The following CYP4F12 variants were observed in gnomAD, a reference collection of about 807,000 sequenced individuals.
CYP4F12 encodes cytochrome P450 family 4 subfamily F member 12.
CYP4F12 carries 60 observed loss-of-function variants against 56.5 expected under a neutral mutation model. The observed-to-expected ratio is 1.06, with a 90% confidence interval of 0.86 to 1.32. The LOEUF (loss-of-function observed/expected upper bound fraction) is 1.32. Among genes scored for constraint, CYP4F12 ranks in the 40% most tolerant of loss-of-function variants. The pLI, the probability that CYP4F12 is intolerant of heterozygous loss-of-function variation, is 0.00. For missense variants in CYP4F12, 711 were observed against 683.5 expected (o/e 1.04, Z -0.45); for synonymous variants, 263 against 264.9 (o/e 0.99, Z 0.07).
At chr19:15,678,501 T>C (rs79882219) in intron 3 of CYP4F12, 96 bp downstream of exon 3, 347,454 of 1,476,090 alleles carry the variant, frequency 0.24, 42,659 homozygotes, top group African/African-American at 0.31. Flanking sequence ...GTGCCCCTCA[T>C]TGAGACTTCC....
rs751672892 is a variant in CYP4F12 at position 15,696,551 on chromosome 19, G to A, written c.1397+39G>A. The A allele has an allele frequency of 4.9e-5, 78 of 1,581,812 alleles. 2 individuals are homozygous for A. The South Asian group carries it at 8.4e-4, about 17-fold the overall frequency. On this transcript the variant is annotated intron_variant, in intron 12 of 12. Transcript: ENST00000550308. ...GTGTCTGAGGCAGGGATGGGATGAT[G>A]GGTGCGGGAGTTAAAAAAAGGGGGA...
At chr19:15,685,524 T>A (rs1176639460) in intron 9 of CYP4F12, among the ~76,000 whole-genome samples, 1 of 152,226 alleles carries the variant, frequency 6.6e-6, no homozygotes, top group African/African-American at 2.4e-5. Context: ...AAATCCTCAC[T>A]TCTTGAATGT....
intron 9 of CYP4F12, among the ~76,000 whole-genome samples, chr19:15,691,405 GTAA>G (rs1399327632): frequency 1.3e-5 from 2 of 152,206 alleles, no homozygotes; most frequent in African/African-American, 4.8e-5. Flanking sequence ...TTCTACAGTT[GTAA>G]TAATGATTGC....
Position 15,686,991 on chromosome 19 carries a change from A to T in CYP4F12, c.1115+1794A>T, listed in dbSNP as rs142101142. Among the ~76,000 whole-genome samples, 1,308 of 152,270 alleles carry T rather than the reference A, an allele frequency of 8.6e-3. 14 individuals are homozygous for T. Among genetic ancestry groups the T allele is most frequent in the African/African-American group, 0.03 (1,244 of 41,514 alleles). On this transcript the variant is annotated intron_variant, in intron 9 of 12. Transcript: ENST00000550308. ...GTAAACAAAAAAAAGTGTCTAAAAC[A>T]TTTATAAAAATGAGCTTTCCTCATG... is the stretch of plus-strand genomic sequence containing the variant.
chr19:15,697,030 G>C lies in CYP4F12; in HGVS notation c.1520G>C (p.Arg507Pro), dbSNP rs1329796123. The C allele has an allele frequency of 6.2e-7, 1 of 1,614,042 alleles. No individual in the cohort carries two copies. Among genetic ancestry groups the C allele is most frequent in the Non-Finnish European group, 8.5e-7 (1 of 1,179,978 alleles). Residue 507 changes from arginine to proline, a missense_variant, in exon 13 of 13, where the codon CGC becomes CCC. Physicochemically the swap from Arg to Pro is moderately radical, Grantham distance 103 (BLOSUM62 -2). Transcript: ENST00000550308. ...EPRRKLELIM[R>P]AEGGLWLRVE... ...CGCAGGAAGCTGGAATTGATCATGC[G>C]CGCCGAGGGCGGGCTTTGGCTGCGG...
At chr19:15,695,394 A>T (rs2008074645) in intron 9 of CYP4F12, among the ~76,000 whole-genome samples, 3 of 150,942 alleles carry the variant, frequency 2.0e-5, no homozygotes, top group Admixed American at 6.6e-5. Flanking sequence ...AGGAGATATA[A>T]CTAATGCTAA....
At chr19:15,684,946 G>T (rs781468947) in intron 8 of CYP4F12, 64 bp downstream of exon 8, 244 of 1,567,000 alleles carry the variant, frequency 1.6e-4, no homozygotes, top group Non-Finnish European at 2.0e-4. Flanking sequence ...ATCCGGGTGG[G>T]TGGACCCTGG....
At chr19:15,688,930 C>T (rs1188262597) in intron 9 of CYP4F12, among the ~76,000 whole-genome samples, 1 of 152,126 alleles carries the variant, frequency 6.6e-6, no homozygotes, top group Non-Finnish European at 1.5e-5. Context: ...ACTGCATCCC[C>T]ATCTCTCACC....
intron 12 of CYP4F12, 56 bp from the exon 13 acceptor site, chr19:15,696,852 G>C (rs963124769): frequency 1.3e-6 from 2 of 1,554,344 alleles, no homozygotes; most frequent in African/African-American, 2.7e-5. Flanking sequence ...TTCCTGGGTT[G>C]ATGGGACCCA....
Position 15,696,057 on chromosome 19 carries a change from G to C in CYP4F12, c.1237G>C (p.Val413Leu). 6.2e-7 allele frequency: 1 copy of C among 1,613,690 alleles called. No individual in the cohort carries two copies. Among genetic ancestry groups the C allele is most frequent in the South Asian group, 1.1e-5 (1 of 91,050 alleles). ...TQDIVLPDGRVIPKGITCLID... is the reference protein window; with the variant it reads ...TQDIVLPDGRLIPKGITCLID... ...GGACATTGTTCTCCCAGATGGCCGA[G>C]TCATCCCCAAAGGTGCCCACAGCCT... The change falls in exon 10 of 13, where the codon GTC (valine) becomes CTC (leucine). Residue 413 changes from valine to leucine, a missense_variant. Transcript: ENST00000550308.
In CYP4F12 at chr19:15,684,641, T is replaced by C. The variant is rs616693; in HGVS notation, c.919-175T>C. ...GGGGGAAGCCCTTGGAGTTGGGGCT[T>C]TGGTGATGGTGAACAAGAGAGATCT... On this transcript the variant is annotated intron_variant, in intron 7 of 12. Transcript: ENST00000550308. 8.5e-3 allele frequency: 5,056 copies of C among 591,632 alleles called. 43 individuals carry two copies. The African/African-American group carries it at 0.087, about 10-fold the overall frequency. The allele number at this position is 591,632 out of a possible 1,614,324, so 36.6% of individuals were successfully genotyped here.
At chr19:15,696,261 C>T in intron 11 of CYP4F12, 36 bp downstream of exon 11, 1 of 1,613,580 alleles carries the variant, frequency 6.2e-7, no homozygotes, top group Non-Finnish European at 8.5e-7. Flanking sequence ...CCACCCCCAT[C>T]CTCTACTTTT....
At chr19:15,687,491 A>T (rs919081413) in intron 9 of CYP4F12, among the ~76,000 whole-genome samples, 6 of 152,080 alleles carry the variant, frequency 3.9e-5, no homozygotes, top group Non-Finnish European at 8.8e-5. Flanking sequence ...TCCCATGTGG[A>T]AGGACAGAAT....
At chr19:15,683,096 G>GAGAGAGAGAGAGAGAC (rs2007399458) in intron 6 of CYP4F12, among the ~76,000 whole-genome samples, 1 of 151,976 alleles carries the variant, frequency 6.6e-6, no homozygotes, top group African/African-American at 2.4e-5. Flanking sequence ...GAGAGACAGA[G>GAGAGAGAGAGAGAGAC]AGAGAGAGAG....
intron 2 of CYP4F12, among the ~76,000 whole-genome samples, chr19:15,677,462 A>C (rs201645300): frequency 0.21 from 457 of 2,174 alleles, 217 homozygotes; most frequent in East Asian, 1. Flanking sequence ...TCATTCCTCT[A>C]CCCACTCACT....
In CYP4F12 at chr19:15,683,000, A is replaced by C. The variant is rs115881213; in HGVS notation, c.647+490A>C. On this transcript the variant is annotated intron_variant, in intron 6 of 12. Coordinates refer to ENST00000550308, the MANE Select transcript of CYP4F12 (RefSeq NM_023944.4). Reference sequence around the variant, plus strand: ...GATGTGCCCTCTTTGGCCTCAGAAAATGTTGGGATTACAGGCATGAGCCAC... The same window carrying C: ...GATGTGCCCTCTTTGGCCTCAGAAACTGTTGGGATTACAGGCATGAGCCAC... 8.0e-3 allele frequency among the ~76,000 whole-genome samples: 1,224 copies of C among 152,162 alleles called. 15 individuals carry two copies. The highest frequency in any genetic ancestry group is 0.028 in the African/African-American group (1,159 of 41,488).
At chr19:15,692,689 G>A (rs1478221786) in intron 9 of CYP4F12, among the ~76,000 whole-genome samples, 3 of 152,158 alleles carry the variant, frequency 2.0e-5, no homozygotes, top group African/African-American at 7.2e-5. Flanking sequence ...AAGGAACCAT[G>A]AGAAAATTAT....
Position 15,682,524 on chromosome 19 carries a change from T to G in CYP4F12, c.647+14T>G. The G allele has an allele frequency of 1.2e-6, 2 of 1,603,564 alleles. No individual in the cohort carries two copies. Among genetic ancestry groups the G allele is most frequent in the Non-Finnish European group, 1.7e-6 (2 of 1,173,334 alleles). On this transcript the variant is annotated intron_variant, in intron 6 of 12. Coordinates refer to ENST00000550308, the MANE Select transcript of CYP4F12 (RefSeq NM_023944.4). ...CCATTGTCAGGAGTGAGTTCCTTCCTAGGGCCTGGGATATGAATCCATGGA... is the reference window on the plus strand; with the variant it reads ...CCATTGTCAGGAGTGAGTTCCTTCCGAGGGCCTGGGATATGAATCCATGGA...
intron 9 of CYP4F12, among the ~76,000 whole-genome samples, chr19:15,693,300 G>C (rs939182308): frequency 6.6e-6 from 1 of 152,134 alleles, no homozygotes; most frequent in African/African-American, 2.4e-5. Context: ...ATTTTAAATA[G>C]CCACTGCAAA....
Sources: gnomAD v4.1 joint callset for allele counts (sites outside exome capture counted in the v4.1 genomes callset) on GRCh38, gnomAD v4.1.1 for gene constraint, MANE v1.5 for transcripts, NCBI Gene and HGNC (gene_info 2026-07-23, HGNC 2026-07-21) for gene names.